The following ZNF492 variants were observed in gnomAD, a reference collection of about 807,000 sequenced individuals.
The protein encoded by ZNF492 is zinc finger protein 492.
A neutral mutation model predicts 6.4 loss-of-function variants in ZNF492; 3 were observed. That is an observed-to-expected ratio of 0.47 (90% CI 0.21 to 1.22). The LOEUF is 1.22. ZNF492 is among the 50% of genes most tolerant of loss of function. The pLI is 0.22. For missense variants in ZNF492, 356 were observed against 612.5 expected, an observed-to-expected ratio of 0.58 and a Z score of 4.42; for synonymous variants, 112 against 205.3, an observed-to-expected ratio of 0.55 and a Z score of 3.89.
chr19:22,634,676 C>G (rs930399099), intron 1 of ZNF492, among the ~76,000 whole-genome samples: 2 of 152,150 alleles, frequency 1.3e-5, no homozygotes, highest in Admixed American at 1.3e-4. Flanking sequence ...GGCGTCCTGT[C>G]TCTTCCCTGC....
At chr19:22,659,312 C>G (rs1230334) in intron 3 of ZNF492, among the ~76,000 whole-genome samples, 4,644 of 147,976 alleles carry the variant, frequency 0.031, 89 homozygotes, top group Non-Finnish European at 0.041. Context: ...GGAGGTCTAT[C>G]AAGGAAAATG....
chr19:22,652,596 T>C (rs2145253754), intron 1 of ZNF492, among the ~76,000 whole-genome samples: 1 of 151,562 alleles, frequency 6.6e-6, no homozygotes, highest in East Asian at 1.9e-4. Context: ...TTTTTTTTTT[T>C]TGAGACGGAG....
At chr19:22,655,266 T>A (rs1897602) in intron 3 of ZNF492, among the ~76,000 whole-genome samples, 16,830 of 151,292 alleles carry the variant, frequency 0.11, 988 homozygotes, top group East Asian at 0.16. Context: ...TACACTCCAA[T>A]GTGGGCAACA....
chr19:22,665,317 G>A lies in ZNF492; in HGVS notation c.*52G>A, dbSNP rs969909846. On this transcript the variant is annotated 3_prime_UTR_variant, in exon 4 of 4. Coordinates refer to ENST00000456783, the MANE Select transcript of ZNF492 (RefSeq NM_020855.3). The stretch of plus-strand genomic sequence containing the variant: ...TAAATGGTTATCACACTGGATTGTA[G>A]GTAAGGTAATTCATTCTGGAGAAAA... 1.1e-4 allele frequency: 168 copies of A among 1,495,604 alleles called. No individual in the cohort carries two copies. Among genetic ancestry groups the A allele is most frequent in the Non-Finnish European group, 1.4e-4 (152 of 1,124,018 alleles). The allele number at this position is 1,495,604 out of a possible 1,614,324, so 92.6% of individuals were successfully genotyped here. A position where few individuals can be genotyped will look rare whatever the true frequency, so the allele number is the denominator to read the frequency against.
intron 3 of ZNF492, among the ~76,000 whole-genome samples, chr19:22,656,750 A>G (rs1972000495): frequency 6.6e-6 from 1 of 152,086 alleles, no homozygotes; most frequent in Admixed American, 6.5e-5. Context: ...GGGGTCCTAT[A>G]GTTTGCCACC....
chr19:22,636,479 A>C (rs1166199263), intron 1 of ZNF492, among the ~76,000 whole-genome samples: 1 of 98,664 alleles, frequency 1.0e-5, no homozygotes, highest in African/African-American at 6.3e-5. Context: ...AGCTTCATCT[A>C]TGTTGCTCTA....
rs1306246717 is a variant in ZNF492, at chr19:22,665,447, A to C, written c.*182A>C. 2.0e-5 allele frequency: 25 copies of C among 1,260,640 alleles called. No individual in the cohort carries two copies. Among genetic ancestry groups the C allele is most frequent in the Admixed American group, 3.1e-5 (1 of 32,642 alleles). The allele number at this position is 1,260,640 out of a possible 1,614,324, so 78.1% of individuals were successfully genotyped here. ...GAGAACAAATGTACAAATATAAAGAAAGTAAAAAAGTGATTAATATCTGTG... is the reference window on the plus strand; with the variant it reads ...GAGAACAAATGTACAAATATAAAGACAGTAAAAAAGTGATTAATATCTGTG... On this transcript the variant is annotated 3_prime_UTR_variant, in exon 4 of 4. Transcript: ENST00000456783.
chr19:22,647,764 C>T (rs1194212043), intron 1 of ZNF492, among the ~76,000 whole-genome samples: 1 of 115,498 alleles, frequency 8.7e-6, no homozygotes, highest in African/African-American at 3.7e-5. Context: ...GAGACTCACT[C>T]TGTCACCCAA....
chr19:22,643,438 T>A (rs912652327), intron 1 of ZNF492, among the ~76,000 whole-genome samples: 1 of 152,102 alleles, frequency 6.6e-6, no homozygotes, highest in African/African-American at 2.4e-5. Flanking sequence ...GTGACAAGAG[T>A]GCCAAGTATA....
chr19:22,643,386 G>A (rs1405665359), intron 1 of ZNF492, among the ~76,000 whole-genome samples: 1 of 152,176 alleles, frequency 6.6e-6, no homozygotes, highest in Admixed American at 6.6e-5. Flanking sequence ...ACTTTAAGAT[G>A]GAGATTAGTT....
At chr19:22,650,548 T>C (rs576601221) in intron 1 of ZNF492, among the ~76,000 whole-genome samples, 1 of 152,224 alleles carries the variant, frequency 6.6e-6, no homozygotes, top group African/African-American at 2.4e-5. Context: ...CCACAGAAAC[T>C]GCAGTCACCT....
intron 1 of ZNF492, among the ~76,000 whole-genome samples, chr19:22,647,009 C>T (rs763057753): frequency 6.6e-6 from 1 of 151,960 alleles, no homozygotes; most frequent in Non-Finnish European, 1.5e-5. Context: ...CCTGCCTCAG[C>T]CTCTTGAGTA....
At chr19:22,663,765 T>G in intron 3 of ZNF492, 35 bp from the exon 4 acceptor site, 1 of 1,453,306 alleles carries the variant, frequency 6.9e-7, no homozygotes, top group Non-Finnish European at 9.1e-7. Context: ...TCTGAGTCAG[T>G]AAGTGAAGTA....
intron 3 of ZNF492, among the ~76,000 whole-genome samples, chr19:22,659,589 C>CAG (rs1197127334): frequency 1.3e-5 from 2 of 149,846 alleles, no homozygotes; most frequent in Non-Finnish European, 3.0e-5. Flanking sequence ...CACACACACA[C>CAG]ACAGAGAGAG....
At chr19:22,659,016 G>T (rs1972026649) in intron 3 of ZNF492, among the ~76,000 whole-genome samples, 1 of 151,948 alleles carries the variant, frequency 6.6e-6, no homozygotes, top group Non-Finnish European at 1.5e-5. Flanking sequence ...TATACTCGAG[G>T]GATTGCTGTT....
intron 1 of ZNF492, among the ~76,000 whole-genome samples, chr19:22,645,829 G>A (rs1971871877): frequency 1.3e-5 from 2 of 152,110 alleles, no homozygotes. Context: ...TCAGATGGTT[G>A]TAGACGTGTG....
intron 3 of ZNF492, among the ~76,000 whole-genome samples, chr19:22,657,243 C>G (rs1480277233): frequency 6.6e-6 from 1 of 152,080 alleles, no homozygotes; most frequent in African/African-American, 2.4e-5. Context: ...CTTTTGTCAG[C>G]TAGTACCTAA....
chr19:22,635,218 T>G (rs1345813262), intron 1 of ZNF492, among the ~76,000 whole-genome samples: 2 of 152,104 alleles, frequency 1.3e-5, no homozygotes, highest in African/African-American at 2.4e-5. Context: ...ATCCAAAGAT[T>G]AGAGCCACCT....
Position 22,665,084 on chromosome 19 carries a change from C to A in ZNF492, c.1415C>A (p.Thr472Asn), listed in dbSNP as rs752046364. ...CTTACTACACATAAGATGATTCATA[C>A]TGGAGAGAAACCCTACAAGTGTGAA... is the stretch of plus-strand genomic sequence containing the variant. ...SHLTTHKMIH[T>N]GEKPYKCEEC... Residue 472 changes from threonine to asparagine, a missense_variant, in exon 4 of 4, where the codon ACT becomes AAT. By Grantham distance (65) the Thr-to-Asn change is moderately conservative. This residue lies in a region of ZNF492 where 81 missense variants were observed against 115.4 expected (regional missense o/e 0.70). Coordinates refer to ENST00000456783, the MANE Select transcript of ZNF492 (RefSeq NM_020855.3). The A allele has an allele frequency of 8.1e-6, 13 of 1,608,148 alleles. No individual in the cohort carries two copies. Among genetic ancestry groups the A allele is most frequent in the Non-Finnish European group, 1.1e-5 (13 of 1,179,570 alleles).
Sources: allele counts gnomAD v4.1 joint callset (sites outside exome capture counted in the v4.1 genomes callset), GRCh38; gene constraint gnomAD v4.1.1; regional missense constraint gnomAD v4.1.1; transcripts MANE v1.5; gene names NCBI Gene and HGNC (gene_info 2026-07-23, HGNC 2026-07-21).